The following SYNE2 variants were observed in gnomAD, a reference collection of about 807,000 sequenced individuals.
SYNE2 encodes the protein nesprin-2.
SYNE2 carries 431 observed loss-of-function variants against 856.3 expected under a neutral mutation model. The ratio of observed to expected loss-of-function variants is 0.50; its 90% CI spans 0.47 to 0.55. SYNE2 has a LOEUF of 0.55. Among genes scored for constraint, SYNE2 ranks in the 20% least tolerant of loss-of-function variants. The pLI is 0.00. For missense variants in SYNE2, 8,129 were observed against 8,023.2 expected, an observed-to-expected ratio of 1.01 and a Z score of -0.50; for synonymous variants, 2,923 against 2,872.3, an observed-to-expected ratio of 1.02 and a Z score of -0.56.
chr14:64,193,424 C>T (rs1329773460), intron 99 of SYNE2, among the ~76,000 whole-genome samples: 2 of 152,092 alleles, frequency 1.3e-5, no homozygotes, highest in African/African-American at 4.8e-5. Flanking sequence ...GTGGTGCGCA[C>T]CTGTAGTCCC....
chr14:64,014,976 C>T (rs867146659), intron 32 of SYNE2, among the ~76,000 whole-genome samples: 13 of 124,102 alleles, frequency 1.0e-4, no homozygotes, highest in Middle Eastern at 4.2e-3. Context: ...TATATATATA[C>T]ACACACACAC....
chr14:63,764,221 T>C (rs893598284), intron 1 of SYNE2, among the ~76,000 whole-genome samples: 3 of 152,168 alleles, frequency 2.0e-5, no homozygotes, highest in Non-Finnish European at 4.4e-5. Context: ...TAATGACATA[T>C]ACCTGAAAGC....
chr14:64,001,832 G>A, intron 28 of SYNE2, 102 bp from the exon 29 acceptor site: 2 of 1,275,380 alleles, frequency 1.6e-6, no homozygotes, highest in South Asian at 2.4e-5. Context: ...CTGTTTATTG[G>A]ATAATTATTT....
intron 2 of SYNE2, among the ~76,000 whole-genome samples, chr14:63,914,092 A>C (rs2095507628): frequency 6.6e-6 from 1 of 152,196 alleles, no homozygotes. Context: ...CTTCCTTGGC[A>C]AAGTAATAGG....
intron 52 of SYNE2, among the ~76,000 whole-genome samples, chr14:64,072,032 T>C (rs924224132): frequency 1.3e-5 from 2 of 152,080 alleles, no homozygotes; most frequent in African/African-American, 4.8e-5. Context: ...AAAATGTAAC[T>C]AGCTGTATAA....
At position 64,214,297 on chromosome 14, in the gene SYNE2, C is replaced by T. The variant is rs756722459; in HGVS notation, c.19160C>T (p.Pro6387Leu). ...CGTAAACGGGGAGAGAGCGAGGAAC[C>T]GTCATCTCCTCAGTCCCTGTGTCAT... Reference protein sequence around the residue: ...SWRKRGESEEPSSPQSLCHLV... With the variant: ...SWRKRGESEELSSPQSLCHLV... Residue 6387 changes from proline to leucine, a missense_variant, in exon 106 of 116, where the codon CCG becomes CTG. This residue lies in a region of SYNE2 where 5,410 missense variants were observed against 5,284.8 expected (regional missense o/e 1.02). Transcript: ENST00000555002. The T allele has an allele frequency of 2.0e-5, 32 of 1,613,952 alleles. No individual in the cohort carries two copies. The Admixed American group carries it at 3.5e-4, about 18-fold the overall frequency.
chr14:63,842,284 G>A (rs531376647), intron 1 of SYNE2, among the ~76,000 whole-genome samples: 7 of 151,864 alleles, frequency 4.6e-5, no homozygotes, highest in Non-Finnish European at 8.8e-5. Flanking sequence ...CAATTCTTGT[G>A]ACCCAGACTC....
chr14:63,771,962 A>G (rs766256986), intron 1 of SYNE2, among the ~76,000 whole-genome samples: 2 of 152,234 alleles, frequency 1.3e-5, no homozygotes, highest in Non-Finnish European at 2.9e-5. Context: ...TGGGTAAACC[A>G]TAGCGGTAGG....
intron 45 of SYNE2, among the ~76,000 whole-genome samples, chr14:64,045,455 G>A (rs781062410): frequency 6.6e-6 from 1 of 151,394 alleles, no homozygotes; most frequent in African/African-American, 2.4e-5. Context: ...GGGGGGTGGG[G>A]GTCCTCTAGG....
Position 64,143,944 on chromosome 14 carries a change from G to C in SYNE2, c.15479G>C (p.Arg5160Thr). Reference sequence around the variant, plus strand: ...CACCGTGTACATGGAATGCTGAATAGAAAGGTGTGTTCCTGCGTCACAACT... The same window carrying C: ...CACCGTGTACATGGAATGCTGAATACAAAGGTGTGTTCCTGCGTCACAACT... ...QWHRVHGMLN[R>T]KIQHLEQLLE... The change falls in exon 83 of 116, where the codon AGA (arginine) becomes ACA (threonine). Residue 5160 changes from arginine (R) to threonine (T), a missense_variant. Around this residue, in one of 3 missense-constraint regions of SYNE2, gnomAD observed 5,410 missense variants for 5,284.8 expected, o/e 1.02. Transcript: ENST00000555002. 1 of 1,614,168 alleles carries C rather than the reference G, an allele frequency of 6.2e-7. No individual in the cohort carries two copies. Among genetic ancestry groups the C allele is most frequent in the Non-Finnish European group, 8.5e-7 (1 of 1,180,004 alleles).
Position 64,065,313 on chromosome 14 carries a change from A to C in SYNE2, c.10213-119A>C. 3.5e-6 allele frequency: 3 copies of C among 858,576 alleles called. No individual in the cohort carries two copies. The South Asian group carries it at 4.5e-5, about 13-fold the overall frequency. 53.2% of individuals were successfully genotyped at this position (858,576 alleles called of 1,614,324 possible). ...TGACTTCTAAAAGGATAAGAGGTGG[A>C]TCATGCAATACTTATGGAAGATTGA... On this transcript the variant is annotated intron_variant, in intron 50 of 115. Coordinates refer to ENST00000555002, the MANE Select transcript of SYNE2 (RefSeq NM_182914.3).
intron 99 of SYNE2, among the ~76,000 whole-genome samples, chr14:64,192,182 C>T (rs570664225): frequency 6.6e-6 from 1 of 152,104 alleles, no homozygotes; most frequent in East Asian, 1.9e-4. Context: ...CTTAGAATAG[C>T]GCGTCAGATG....
intron 82 of SYNE2, among the ~76,000 whole-genome samples, chr14:64,143,163 G>A (rs756234860): frequency 1.3e-5 from 2 of 152,200 alleles, no homozygotes; most frequent in African/African-American, 2.4e-5. Flanking sequence ...TCACCCCCGG[G>A]TGTCTCCAAA....
intron 1 of SYNE2, among the ~76,000 whole-genome samples, chr14:63,790,975 T>C (rs1197816675): frequency 6.6e-6 from 1 of 152,030 alleles, no homozygotes; most frequent in Non-Finnish European, 1.5e-5. Flanking sequence ...AATTTTTTTT[T>C]TTTAGACAGA....
In SYNE2 at chr14:64,049,894, G is replaced by T; in HGVS notation, c.7643+18G>T. ...CTTAAAGTGTAAGTGTAAGAATTTA[G>T]GACTTGCATTCTTTTTATTCAAGCA... On this transcript the variant is annotated intron_variant, in intron 47 of 115. Coordinates refer to ENST00000555002, the MANE Select transcript of SYNE2 (RefSeq NM_182914.3). 1 of 1,612,656 alleles carries T rather than the reference G, an allele frequency of 6.2e-7. No homozygotes were observed. The highest frequency in any genetic ancestry group is 1.1e-5 in the South Asian group (1 of 90,924).
intron 90 of SYNE2, 63 bp downstream of exon 90, chr14:64,165,473 T>G (rs1388533130): frequency 1.3e-6 from 2 of 1,558,394 alleles, no homozygotes; most frequent in Non-Finnish European, 1.8e-6. Context: ...AAAAATAAGC[T>G]GATTACTGTG....
intron 61 of SYNE2, among the ~76,000 whole-genome samples, chr14:64,095,738 T>C (rs1482456952): frequency 1.3e-5 from 2 of 152,182 alleles, no homozygotes; most frequent in African/African-American, 2.4e-5. Context: ...TTCCATTTTT[T>C]CACAAAGAAT....
chr14:63,934,649 C>T (rs1015027538), intron 2 of SYNE2, among the ~76,000 whole-genome samples: 2 of 152,112 alleles, frequency 1.3e-5, no homozygotes, highest in Middle Eastern at 3.4e-3. Context: ...CTCAGTTTCA[C>T]GCTGCATTTC....
At chr14:64,199,707 C>T in intron 99 of SYNE2, among the ~76,000 whole-genome samples, 1 of 117,158 alleles carries the variant, frequency 8.5e-6, no homozygotes, top group African/African-American at 3.5e-5. Context: ...GATAGAGACT[C>T]TGTCTCAAAA....
Sources: gnomAD v4.1 joint callset for allele counts (sites outside exome capture counted in the v4.1 genomes callset) on GRCh38, gnomAD v4.1.1 for gene constraint, gnomAD v4.1.1 regional missense constraint, MANE v1.5 for transcripts, NCBI Gene and HGNC (gene_info 2026-07-23, HGNC 2026-07-21) for gene names.